The following HECW2 variants were observed in gnomAD, a reference collection of about 807,000 sequenced individuals.
HECW2 encodes the protein E3 ubiquitin-protein ligase HECW2.
Under a neutral mutation model 175.2 loss-of-function variants are expected in HECW2, and 61 were observed. The ratio of observed to expected loss-of-function variants is 0.35; its 90% confidence interval spans 0.28 to 0.43. The LOEUF (loss-of-function observed/expected upper bound fraction) is 0.43. Ranked by LOEUF, HECW2 falls within the 20% of genes least tolerant of loss-of-function variation. The probability of loss-of-function intolerance (pLI) is 1.00; values close to 1 mark genes in which losing one functional copy is unlikely to be tolerated. For synonymous variants in HECW2, 671 were observed against 731.0 expected (o/e 0.92, Z 1.32); for missense variants, 1,524 against 2,000.5 (o/e 0.76, Z 4.54).
At chr2:196,371,402 A>C (rs1693906639) in intron 2 of HECW2, among the ~76,000 whole-genome samples, 2 of 152,240 alleles carry the variant, frequency 1.3e-5, no homozygotes, top group South Asian at 4.1e-4. Flanking sequence ...AGGACAAGCA[A>C]GTACAGGAAT....
At chr2:196,281,974 A>T (rs915352768) in intron 14 of HECW2, among the ~76,000 whole-genome samples, 1 of 152,202 alleles carries the variant, frequency 6.6e-6, no homozygotes, top group African/African-American at 2.4e-5. Flanking sequence ...GTTAACTGAG[A>T]TAGTTCATAT....
intron 1 of HECW2, among the ~76,000 whole-genome samples, chr2:196,587,423 C>G (rs1014317850): frequency 6.6e-6 from 1 of 152,184 alleles, no homozygotes; most frequent in Non-Finnish European, 1.5e-5. Context: ...CTGAAATTGT[C>G]ACTCTCAGAG....
At chr2:196,214,063 G>C (rs556677526) in intron 28 of HECW2, among the ~76,000 whole-genome samples, 1 of 152,186 alleles carries the variant, frequency 6.6e-6, no homozygotes, top group African/African-American at 2.4e-5. Context: ...CAATGGCAGC[G>C]ATCACTGACT....
At chr2:196,327,139 C>A (rs1188272922) in intron 5 of HECW2, among the ~76,000 whole-genome samples, 1 of 152,192 alleles carries the variant, frequency 6.6e-6, no homozygotes, top group Admixed American at 6.5e-5. Context: ...ATGAATGCCA[C>A]AAGGTCTGAC....
At chr2:196,506,488 T>C (rs1455007207) in intron 1 of HECW2, among the ~76,000 whole-genome samples, 1 of 152,106 alleles carries the variant, frequency 6.6e-6, no homozygotes, top group Non-Finnish European at 1.5e-5. Flanking sequence ...AGACCTGGTA[T>C]ACACAGGGTT....
intron 13 of HECW2, among the ~76,000 whole-genome samples, chr2:196,304,699 T>G (rs1039741989): frequency 1.3e-5 from 2 of 152,228 alleles, no homozygotes; most frequent in Non-Finnish European, 2.9e-5. Flanking sequence ...ACTCTAAATG[T>G]TAGCCCATTC....
intron 2 of HECW2, among the ~76,000 whole-genome samples, chr2:196,376,707 C>T (rs972007700): frequency 4.0e-5 from 6 of 148,260 alleles, no homozygotes; most frequent in East Asian, 2.0e-4. Flanking sequence ...CTGAAGCAGG[C>T]GGATCAACCT....
At chr2:196,471,112 A>G (rs1011860375) in intron 1 of HECW2, among the ~76,000 whole-genome samples, 11 of 152,166 alleles carry the variant, frequency 7.2e-5, no homozygotes, top group African/African-American at 2.7e-4. Context: ...AATGCAATAA[A>G]GTACACATCT....
chr2:196,307,548 A>T (rs1444256365), intron 11 of HECW2, among the ~76,000 whole-genome samples: 1 of 152,232 alleles, frequency 6.6e-6, no homozygotes, highest in Non-Finnish European at 1.5e-5. Flanking sequence ...TAATTCTTGA[A>T]AAAGAATGAC....
rs1275031851 is a variant in HECW2, at chr2:196,278,661, G to T, written c.3002C>A (p.Ala1001Glu). 6.2e-7 allele frequency: 1 copy of T among 1,614,002 alleles called. No individual in the cohort carries two copies. The highest frequency in any genetic ancestry group is 1.6e-4 in the Middle Eastern group (1 of 6,062). Residue 1001 changes from alanine to glutamate, a missense_variant and splice_region_variant, in exon 15 of 29, where the codon GCA (alanine) becomes GAA (glutamate). Physicochemically the swap from Ala to Glu is moderately radical, Grantham distance 107. Around this residue, in one of 11 missense-constraint regions of HECW2, gnomAD observed 291 missense variants for 412.2 expected, o/e 0.71. Transcript: ENST00000644978. ...GCGGGAGTTGTGGTCCACAAAGAAT[G>T]CCTAGGATACAATACACTGAGTCAA... ...WEMKHDHQGK[A>E]FFVDHNSRTT...
At position 196,434,842 on chromosome 2, in the gene HECW2, A is replaced by G. The variant is rs113466414; in HGVS notation, c.-35-1384T>C. ...CACTTCTCATATGATATATTTCAAC[A>G]CCCACTGCATGAGTTTTCATTTAAA... On this transcript the variant is annotated intron_variant, in intron 1 of 28. Coordinates refer to ENST00000644978, the MANE Select transcript of HECW2 (RefSeq NM_001348768.2). 2.6e-3 allele frequency among the ~76,000 whole-genome samples: 399 copies of G among 152,206 alleles called. 4 individuals are homozygous for G. The highest frequency in any genetic ancestry group is 9.2e-3 in the African/African-American group (380 of 41,516).
intron 2 of HECW2, among the ~76,000 whole-genome samples, chr2:196,349,031 T>C (rs191774738): frequency 2.2e-4 from 34 of 152,358 alleles, no homozygotes; most frequent in African/African-American, 7.7e-4. Flanking sequence ...TCTTGCCTTC[T>C]TGCCCAGGGT....
intron 1 of HECW2, among the ~76,000 whole-genome samples, chr2:196,491,410 G>T (rs1457199723): frequency 7.3e-6 from 1 of 136,406 alleles, no homozygotes. Flanking sequence ...ACACACACGT[G>T]TGTATGCATA....
At chr2:196,509,434 C>T (rs57923592) in intron 1 of HECW2, among the ~76,000 whole-genome samples, 12,438 of 152,246 alleles carry the variant, frequency 0.082, 644 homozygotes, top group South Asian at 0.15. Flanking sequence ...TTCAGCCCCT[C>T]TCCTTTCCCT....
At chr2:196,421,727 C>G (rs1001742913) in intron 2 of HECW2, among the ~76,000 whole-genome samples, 2 of 152,006 alleles carry the variant, frequency 1.3e-5, no homozygotes, top group African/African-American at 4.8e-5. Context: ...AAAAGTGACA[C>G]AAATAAGCAT....
chr2:196,538,124 AT>A (rs1387572107), intron 1 of HECW2, among the ~76,000 whole-genome samples: 3 of 152,224 alleles, frequency 2.0e-5, no homozygotes, highest in Non-Finnish European at 4.4e-5. Flanking sequence ...AAGTACCTGC[AT>A]CGTTTCTCTA....
chr2:196,303,436 AG>A (rs1691142405), intron 13 of HECW2, among the ~76,000 whole-genome samples: 1 of 152,184 alleles, frequency 6.6e-6, no homozygotes, highest in African/African-American at 2.4e-5. Flanking sequence ...TGAGTTAGGG[AG>A]GAGTCCTTCC....
At chr2:196,234,130 G>A (rs572370201) in intron 21 of HECW2, among the ~76,000 whole-genome samples, 2 of 152,272 alleles carry the variant, frequency 1.3e-5, no homozygotes, top group South Asian at 2.1e-4. Context: ...TAAGAAAGGT[G>A]CCTTTTACAG....
chr2:196,444,616 CTT>C (rs1271563126), intron 1 of HECW2, among the ~76,000 whole-genome samples: 5 of 152,150 alleles, frequency 3.3e-5, no homozygotes, highest in African/African-American at 1.2e-4. Context: ...CCCTACAGCA[CTT>C]TTTCAATGCC....
Sources: allele counts gnomAD v4.1 joint callset (sites outside exome capture counted in the v4.1 genomes callset), GRCh38; gene constraint gnomAD v4.1.1; regional missense constraint gnomAD v4.1.1; transcripts MANE v1.5; gene names NCBI Gene and HGNC (gene_info 2026-07-23, HGNC 2026-07-21).